TMEM19: variants seen among roughly 807,000 people sequenced by gnomAD.
TMEM19 encodes transmembrane protein 19.
Under a neutral mutation model 33.6 loss-of-function variants are expected in TMEM19, and 21 were observed. The observed-to-expected ratio is 0.62, with a 90% CI of 0.44 to 0.90. The LOEUF is 0.90. Among genes scored for constraint, TMEM19 ranks in the 40% least tolerant of loss-of-function variants. The probability of loss-of-function intolerance (pLI) is 0.00; values close to 1 mark genes in which losing one functional copy is unlikely to be tolerated. For missense variants in TMEM19, 402 were observed against 401.8 expected (o/e 1.00, Z 0.00); for synonymous variants, 149 against 147.5 (o/e 1.01, Z -0.07).
chr12:71,695,646 C>T (rs1881858188), intron 2 of TMEM19, among the ~76,000 whole-genome samples: 1 of 152,118 alleles, frequency 6.6e-6, no homozygotes, highest in Non-Finnish European at 1.5e-5. Flanking sequence ...TATTAAGGAC[C>T]TCTTACATCC....
intron 3 of TMEM19, among the ~76,000 whole-genome samples, chr12:71,696,882 C>A (rs773458893): frequency 6.6e-6 from 1 of 152,102 alleles, no homozygotes; most frequent in African/African-American, 2.4e-5. Flanking sequence ...CTCCTGACCT[C>A]GTGATCCGCC....
chr12:71,689,995 G>C (rs954823058), intron 2 of TMEM19, among the ~76,000 whole-genome samples: 1 of 152,156 alleles, frequency 6.6e-6, no homozygotes, highest in Non-Finnish European at 1.5e-5. Context: ...TCTTCTACCA[G>C]CAGAAACACT....
chr12:71,696,185 AAAAT>A (rs1202890917), intron 2 of TMEM19, among the ~76,000 whole-genome samples: 2 of 152,150 alleles, frequency 1.3e-5, no homozygotes, highest in Non-Finnish European at 2.9e-5. Context: ...GATAATTTTA[AAAAT>A]ATTATCTAAA....
intron 2 of TMEM19, among the ~76,000 whole-genome samples, chr12:71,695,277 T>C (rs892447111): frequency 6.6e-6 from 1 of 152,224 alleles, no homozygotes; most frequent in African/African-American, 2.4e-5. Flanking sequence ...CATTAATTGC[T>C]TCATGTGGTA....
At chr12:71,686,941 C>A in intron 1 of TMEM19, 131 bp downstream of exon 1, 1 of 818,654 alleles carries the variant, frequency 1.2e-6, no homozygotes, top group Non-Finnish European at 1.8e-6. Flanking sequence ...CTTCCATAGC[C>A]TGATTTAACT....
chr12:71,693,678 CA>C (rs148943042), intron 2 of TMEM19, among the ~76,000 whole-genome samples: 4,048 of 152,292 alleles, frequency 0.027, 199 homozygotes, highest in African/African-American at 0.093. Flanking sequence ...CATGTCTCCA[CA>C]CAAATCTCAT....
At chr12:71,688,191 GA>G (rs1487566259) in intron 1 of TMEM19, among the ~76,000 whole-genome samples, 3 of 152,134 alleles carry the variant, frequency 2.0e-5, no homozygotes, top group Admixed American at 2.0e-4. Context: ...CCAGAAATAG[GA>G]TATTTCTCAT....
At chr12:71,695,970 A>G (rs867403116) in intron 2 of TMEM19, among the ~76,000 whole-genome samples, 1 of 152,306 alleles carries the variant, frequency 6.6e-6, no homozygotes, top group Middle Eastern at 3.4e-3. Flanking sequence ...ATGAGTAACT[A>G]TCTCATTGGT....
rs1407531349 is a variant in TMEM19 at position 71,703,345 on chromosome 12, A to T, written c.*2350A>T. 1 of 152,024 alleles carries T rather than the reference A, an allele frequency of 6.6e-6. No homozygotes were observed. Among genetic ancestry groups the T allele is most frequent in the African/African-American group, 2.4e-5 (1 of 41,410 alleles). The allele number at this position is 152,024 out of a possible 1,614,324, so 9.4% of individuals were successfully genotyped here. ...ACTATTAGCAACCACACAATATGTT[A>T]TCTTTATGGATGAATAACTTCTGGT... On this transcript the variant is annotated 3_prime_UTR_variant, in exon 6 of 6. Transcript: ENST00000266673.
In TMEM19 at chr12:71,686,572, G is replaced by A; in HGVS notation, c.-109G>A. Reference sequence around the variant, plus strand: ...TATGCTTGTTTGGTCGGTGGAATATGTTGGGATTTATGTTTGCCTCTGAAC... The same window carrying A: ...TATGCTTGTTTGGTCGGTGGAATATATTGGGATTTATGTTTGCCTCTGAAC... On this transcript the variant is annotated 5_prime_UTR_variant, in exon 1 of 6. The change abolishes an upstream ATG in the 5' untranslated region. Transcript: ENST00000266673. 1 of 1,262,392 alleles carries A rather than the reference G, an allele frequency of 7.9e-7. No individual in the cohort carries two copies. Among genetic ancestry groups the A allele is most frequent in the Admixed American group, 2.3e-5 (1 of 43,452 alleles). 78.2% of individuals were successfully genotyped at this position (1,262,392 alleles called of 1,614,324 possible).
intron 2 of TMEM19, among the ~76,000 whole-genome samples, chr12:71,690,598 A>G (rs954355118): frequency 3.3e-5 from 5 of 152,256 alleles, no homozygotes; most frequent in African/African-American, 1.2e-4. Context: ...AATAAAATAT[A>G]TAAAACTGTT....
chr12:71,697,621 T>C (rs1168468303), intron 4 of TMEM19, 87 bp downstream of exon 4: 2 of 1,476,900 alleles, frequency 1.4e-6, no homozygotes, highest in Non-Finnish European at 1.8e-6. Context: ...AAAAACCTCT[T>C]GATGTAATGT....
In TMEM19 at chr12:71,700,977, T is replaced by C. The variant is rs1466714883; in HGVS notation, c.993T>C (p.Gly331=). The C allele has an allele frequency of 1.7e-5, 28 of 1,604,606 alleles. No homozygotes were observed. Among genetic ancestry groups the C allele is most frequent in the Non-Finnish European group, 2.3e-5 (27 of 1,175,296 alleles). Residue 331 remains glycine, a synonymous_variant, in exon 6 of 6, where the codon GGT becomes GGC. Transcript: ENST00000266673. The part of the protein sequence containing the change: ...IALLLPTAAW[G]FWPRG ...TCTTGCTCCCAACTGCTGCTTGGGG[T>C]TTTTGGCCCAGGGGGTGAACTTTAT...
intron 5 of TMEM19, 46 bp downstream of exon 5, chr12:71,699,155 A>C (rs1349768384): frequency 6.3e-7 from 1 of 1,598,382 alleles, no homozygotes; most frequent in Non-Finnish European, 8.6e-7. Flanking sequence ...ATGTTAAAGA[A>C]ATAGGGAAAA....
rs1454942958 is a variant in TMEM19, at chr12:71,701,966, G to C, written c.*971G>C. The C allele has an allele frequency of 6.6e-6, 1 of 152,184 alleles. No homozygotes were observed. The highest frequency in any genetic ancestry group is 1.9e-4 in the East Asian group (1 of 5,200). 9.4% of individuals were successfully genotyped at this position (152,184 alleles called of 1,614,324 possible). A position where few individuals can be genotyped will look rare whatever the true frequency, so the allele number is the denominator to read the frequency against. ...CAACTAAGGCAATTCTGCTATGTTT[G>C]TTCTTCACTATGATTTACTGTGTGC... On this transcript the variant is annotated 3_prime_UTR_variant, in exon 6 of 6. Coordinates refer to ENST00000266673, the MANE Select transcript of TMEM19 (RefSeq NM_018279.4).
Position 71,700,818 on chromosome 12 carries a change from T to C in TMEM19, c.848-14T>C, listed in dbSNP as rs544695417. 2.0e-5 allele frequency: 31 copies of C among 1,540,714 alleles called. No individual in the cohort carries two copies. The Admixed American group carries it at 4.3e-4, about 21-fold the overall frequency. The stretch of plus-strand genomic sequence containing the variant: ...TTGGGTTTTCTATCTCACTTGCTTC[T>C]TTTTCCATTCCAGGGTTGGATGAAA... On this transcript the variant is annotated splice_polypyrimidine_tract_variant and intron_variant, in intron 5 of 5. Transcript: ENST00000266673.
intron 2 of TMEM19, among the ~76,000 whole-genome samples, chr12:71,692,379 A>C (rs1166871685): frequency 2.0e-5 from 3 of 152,244 alleles, no homozygotes; most frequent in Non-Finnish European, 1.5e-5. Flanking sequence ...AGTTCTGGGC[A>C]GAAAACAATG....
chr12:71,692,407 A>C (rs1014685976), intron 2 of TMEM19, among the ~76,000 whole-genome samples: 1 of 152,236 alleles, frequency 6.6e-6, no homozygotes, highest in Non-Finnish European at 1.5e-5. Context: ...CAGAAAACTG[A>C]AACTAACACT....
chr12:71,690,770 C>A (rs138155389), intron 2 of TMEM19, among the ~76,000 whole-genome samples: 1 of 152,250 alleles, frequency 6.6e-6, no homozygotes, highest in South Asian at 2.1e-4. Flanking sequence ...CTGACAGAAT[C>A]ATGTTCCAGG....
Sources: allele counts gnomAD v4.1 joint callset (sites outside exome capture counted in the v4.1 genomes callset), GRCh38; gene constraint gnomAD v4.1.1; transcripts MANE v1.5; gene names NCBI Gene and HGNC (gene_info 2026-07-23, HGNC 2026-07-21).